Variants in PCDH11X observed in about 807,000 individuals in gnomAD.
PCDH11X encodes the protein protocadherin 11 X-linked.
A neutral mutation model predicts 53.3 loss-of-function variants in PCDH11X; 18 were observed. The ratio of observed to expected loss-of-function variants is 0.34; its 90% CI spans 0.23 to 0.50. PCDH11X has a LOEUF of 0.50. Ranked by LOEUF, PCDH11X falls within the 20% of genes least tolerant of loss-of-function variation. The pLI is 0.98. For synonymous variants in PCDH11X, 279 were observed against 393.3 expected (o/e 0.71, Z 3.44); for missense variants, 570 against 1,032.4 (o/e 0.55, Z 6.14).
chrX:91,909,959 C>T (rs371568065), intron 6 of PCDH11X, among the ~76,000 whole-genome samples: 15 of 111,323 alleles, frequency 1.3e-4, no homozygotes, highest in African/African-American at 2.6e-4. Context: ...ATTTCAAGTA[C>T]GCAATACAGT....
chrX:92,519,026 G>GA (rs1388835418), intron 10 of PCDH11X, among the ~76,000 whole-genome samples: 2 of 110,161 alleles, frequency 1.8e-5, no homozygotes, highest in East Asian at 2.9e-4. Flanking sequence ...CAAAGGGCTG[G>GA]AAAAAAATTT....
chrX:92,483,751 A>T (rs760298746), intron 10 of PCDH11X, among the ~76,000 whole-genome samples: 242 of 106,111 alleles, frequency 2.3e-3, no homozygotes, highest in African/African-American at 7.8e-3. Context: ...TATTTTATTT[A>T]TAAAATTATG....
At chrX:92,270,154 G>T (rs2067922735) in intron 8 of PCDH11X, among the ~76,000 whole-genome samples, 1 of 104,216 alleles carries the variant, frequency 9.6e-6, no homozygotes, top group African/African-American at 3.6e-5. Context: ...CTGTCCCCTG[G>T]CTGGAGTTCA....
rs1936854979 is a variant in PCDH11X at position 91,824,980 on chromosome X, G to C, written c.-44-10481G>C. Among the ~76,000 whole-genome samples the C allele has an allele frequency of 3.6e-5, 4 of 109,964 alleles. No homozygotes were observed. In the South Asian group the frequency reaches 1.5e-3, roughly 42 times the overall value. On this transcript the variant is annotated intron_variant, in intron 4 of 10. Transcript: ENST00000682573. ...CTGCTGGGGGGTGCCTCCCAGTTAG[G>C]CTGCTCGGGGGTCAGGGGTCAGGGA...
In PCDH11X at chrX:92,623,213, A is replaced by G. The variant is rs977894753; in HGVS notation, c.*4273A>G. 1.8e-5 allele frequency: 2 copies of G among 110,916 alleles called. No individual in the cohort carries two copies. The highest frequency in any genetic ancestry group is 6.5e-5 in the African/African-American group (2 of 30,582). The allele number at this position is 110,916 out of a possible 1,213,427, so 9.1% of individuals were successfully genotyped here. ...GTTTTCTTATTAATATATATTAATAAAAGTTATGAGAAATAAACATTCATT... is the reference window on the plus strand; with the variant it reads ...GTTTTCTTATTAATATATATTAATAGAAGTTATGAGAAATAAACATTCATT... On this transcript the variant is annotated 3_prime_UTR_variant, in exon 11 of 11. Coordinates refer to ENST00000682573, the MANE Select transcript of PCDH11X (RefSeq NM_032968.5).
intron 10 of PCDH11X, among the ~76,000 whole-genome samples, chrX:92,567,957 A>G (rs1011338715): frequency 9.1e-6 from 1 of 109,714 alleles, no homozygotes; most frequent in Non-Finnish European, 1.9e-5. Context: ...ACACGTTTAC[A>G]TATGTAGCAA....
intron 7 of PCDH11X, among the ~76,000 whole-genome samples, chrX:92,261,807 A>T (rs2067721367): frequency 8.9e-6 from 1 of 111,771 alleles, no homozygotes; most frequent in Non-Finnish European, 1.9e-5. Flanking sequence ...GGAGAGATAT[A>T]AATAGTGATT....
chrX:91,990,628 A>C (rs901770031), intron 6 of PCDH11X, among the ~76,000 whole-genome samples: 1 of 110,676 alleles, frequency 9.0e-6, no homozygotes, highest in Non-Finnish European at 1.9e-5. Context: ...TCCAGTGAGA[A>C]AGGGGGCACT....
In PCDH11X at chrX:92,302,220, A is replaced by G. The variant is rs776789589; in HGVS notation, c.3144+39077A>G. The stretch of plus-strand genomic sequence containing the variant: ...CTGACCTTATGATCCCCTAAGAAAG[A>G]TAGCACTCCCACTGGGAGTCAGGTA... On this transcript the variant is annotated intron_variant, in intron 8 of 10. Coordinates refer to ENST00000682573, the MANE Select transcript of PCDH11X (RefSeq NM_032968.5). Among the ~76,000 whole-genome samples, 6 of 111,300 alleles carry G rather than the reference A, an allele frequency of 5.4e-5. No homozygotes were observed. In the South Asian group the frequency reaches 1.9e-3, roughly 36 times the overall value.
chrX:92,040,508 C>T (rs1022653705), intron 6 of PCDH11X, among the ~76,000 whole-genome samples: 3 of 111,283 alleles, frequency 2.7e-5, no homozygotes, highest in African/African-American at 9.8e-5. Context: ...TTTCTCTCTC[C>T]CAAGTGCAAA....
intron 8 of PCDH11X, among the ~76,000 whole-genome samples, chrX:92,283,385 G>A (rs1019446207): frequency 1.5e-4 from 17 of 111,441 alleles, no homozygotes; most frequent in African/African-American, 5.5e-4. Flanking sequence ...CCATTTGAGT[G>A]TACAGTGTTG....
chrX:92,447,200 G>A (rs2072672714), intron 9 of PCDH11X, among the ~76,000 whole-genome samples: 1 of 111,899 alleles, frequency 8.9e-6, no homozygotes, highest in African/African-American at 3.2e-5. Context: ...ATTTTTTGAG[G>A]AGAAATGAAA....
chrX:91,885,409 G>A (rs1940149820), intron 6 of PCDH11X, among the ~76,000 whole-genome samples: 1 of 110,969 alleles, frequency 9.0e-6, no homozygotes, highest in African/African-American at 3.3e-5. Flanking sequence ...ACCTAGAGTG[G>A]AGGTTTCCAA....
chrX:92,259,464 G>T (rs1165991813), intron 7 of PCDH11X, among the ~76,000 whole-genome samples: 1 of 110,824 alleles, frequency 9.0e-6, no homozygotes, highest in Non-Finnish European at 1.9e-5. Context: ...AAGAGAGAGG[G>T]GAAGTTGCTA....
chrX:92,040,549 C>T (rs2063194713), intron 6 of PCDH11X, among the ~76,000 whole-genome samples: 1 of 111,793 alleles, frequency 8.9e-6, no homozygotes, highest in Non-Finnish European at 1.9e-5. Flanking sequence ...CCACTGCCAG[C>T]GATATGGGAG....
At chrX:92,508,134 A>G (rs1333257817) in intron 10 of PCDH11X, among the ~76,000 whole-genome samples, 1 of 111,516 alleles carries the variant, frequency 9.0e-6, no homozygotes, top group Non-Finnish European at 1.9e-5. Flanking sequence ...AAATTTTATC[A>G]TTTATATGCA....
chrX:92,032,137 T>C (rs1416195640), intron 6 of PCDH11X, among the ~76,000 whole-genome samples: 1 of 112,025 alleles, frequency 8.9e-6, no homozygotes, highest in African/African-American at 3.2e-5. Flanking sequence ...CTTTCCATTT[T>C]TTTTGTCCTC....
At chrX:92,416,065 T>C (rs995511257) in intron 9 of PCDH11X, among the ~76,000 whole-genome samples, 2 of 111,343 alleles carry the variant, frequency 1.8e-5, no homozygotes, top group African/African-American at 6.5e-5. Context: ...ATTGTGTGTA[T>C]ATATGTGTGT....
intron 6 of PCDH11X, among the ~76,000 whole-genome samples, chrX:91,912,110 G>A (rs925312689): frequency 5.4e-5 from 6 of 111,761 alleles, no homozygotes; most frequent in African/African-American, 1.9e-4. Context: ...AAATGCTACT[G>A]ATTTTTGTAT....
Sources: allele counts gnomAD v4.1 joint callset (sites outside exome capture counted in the v4.1 genomes callset), GRCh38; gene constraint gnomAD v4.1.1; transcripts MANE v1.5; gene names NCBI Gene and HGNC (gene_info 2026-07-23, HGNC 2026-07-21).